Variants in AKT3 observed in about 807,000 individuals in gnomAD.
The protein encoded by AKT3 is AKT serine/threonine kinase 3, also known as RAC-gamma serine/threonine-protein kinase.
AKT3 carries 15 observed loss-of-function variants against 65.3 expected under a neutral mutation model. That is an observed-to-expected ratio of 0.23 (90% CI 0.15 to 0.35). The LOEUF (loss-of-function observed/expected upper bound fraction) is 0.35. Among genes scored for constraint, AKT3 ranks in the 10% least tolerant of loss-of-function variants. AKT3 has a pLI of 1.00. For synonymous variants in AKT3, 206 were observed against 183.8 expected (o/e 1.12, Z -0.98); for missense variants, 243 against 576.5 (o/e 0.42, Z 5.92).
chr1:243,783,117 T>G (rs1691015711), intron 2 of AKT3, among the ~76,000 whole-genome samples: 1 of 152,128 alleles, frequency 6.6e-6, no homozygotes, highest in African/African-American at 2.4e-5. Context: ...ATTTCTGGAG[T>G]GACAAGAGTG....
chr1:243,561,332 C>T (rs1574610250), intron 10 of AKT3, among the ~76,000 whole-genome samples: 2 of 152,124 alleles, frequency 1.3e-5, no homozygotes, highest in South Asian at 4.1e-4. Flanking sequence ...TGGGCATTTA[C>T]AAAGCATTCA....
intron 2 of AKT3, among the ~76,000 whole-genome samples, chr1:243,829,096 G>C (rs543451910): frequency 6.6e-6 from 1 of 151,940 alleles, no homozygotes; most frequent in African/African-American, 2.4e-5. Context: ...TCTTCAATCC[G>C]AATCTCTTGA....
chr1:243,672,831 G>A (rs1235633859), intron 3 of AKT3, among the ~76,000 whole-genome samples: 1 of 152,094 alleles, frequency 6.6e-6, no homozygotes, highest in African/African-American at 2.4e-5. Context: ...TTTGCCCACC[G>A]AATCCTGCCT....
chr1:243,655,985 C>T (rs1681754845), intron 4 of AKT3, among the ~76,000 whole-genome samples: 1 of 151,924 alleles, frequency 6.6e-6, no homozygotes, highest in Non-Finnish European at 1.5e-5. Flanking sequence ...CAAAAACAAA[C>T]AAAAGTCTTT....
At chr1:243,844,900 T>C (rs557457759) in intron 1 of AKT3, among the ~76,000 whole-genome samples, 14 of 152,198 alleles carry the variant, frequency 9.2e-5, no homozygotes, top group African/African-American at 3.4e-4. Flanking sequence ...AACATAAAAT[T>C]AGTAAATCCA....
intron 2 of AKT3, among the ~76,000 whole-genome samples, chr1:243,804,048 C>A (rs993836100): frequency 6.6e-6 from 1 of 152,160 alleles, no homozygotes; most frequent in African/African-American, 2.4e-5. Context: ...AGAAGAAGAC[C>A]CTTGACATCA....
chr1:243,510,976 T>C (rs565893382), intron 13 of AKT3, among the ~76,000 whole-genome samples: 1 of 152,376 alleles, frequency 6.6e-6, no homozygotes, highest in African/African-American at 2.4e-5. Flanking sequence ...GGCCAAGGCC[T>C]ATGCCCATGA....
intron 6 of AKT3, among the ~76,000 whole-genome samples, chr1:243,629,730 T>G (rs1015601817): frequency 1.3e-5 from 2 of 152,160 alleles, no homozygotes; most frequent in South Asian, 4.1e-4. Context: ...AGGCGGGGCT[T>G]GCAGTGAGCC....
chr1:243,701,032 T>C (rs937292547), intron 2 of AKT3, among the ~76,000 whole-genome samples: 4 of 152,208 alleles, frequency 2.6e-5, no homozygotes, highest in Non-Finnish European at 5.9e-5. Flanking sequence ...AATTAGTCCA[T>C]ATATAAACAT....
chr1:243,531,055 T>C (rs1422917274), intron 12 of AKT3, among the ~76,000 whole-genome samples: 3 of 152,222 alleles, frequency 2.0e-5, no homozygotes, highest in East Asian at 3.8e-4. Flanking sequence ...TTCCTACTCA[T>C]TGATGTTCAA....
chr1:243,681,807 T>C (rs2147977339), intron 3 of AKT3, among the ~76,000 whole-genome samples: 1 of 152,276 alleles, frequency 6.6e-6, no homozygotes, highest in East Asian at 1.9e-4. Flanking sequence ...AGGTCTCAGA[T>C]TCATTATCTA....
At chr1:243,650,947 A>G (rs1191710206) in intron 4 of AKT3, among the ~76,000 whole-genome samples, 4 of 152,146 alleles carry the variant, frequency 2.6e-5, no homozygotes, top group Admixed American at 6.6e-5. Context: ...AAAAAAGTCA[A>G]TGGTAGCTTG....
At chr1:243,771,674 C>G (rs1291006427) in intron 2 of AKT3, among the ~76,000 whole-genome samples, 1 of 152,078 alleles carries the variant, frequency 6.6e-6, no homozygotes, top group Non-Finnish European at 1.5e-5. Context: ...TTTCTATATA[C>G]TCTTAGCTAA....
intron 8 of AKT3, among the ~76,000 whole-genome samples, chr1:243,576,205 TC>T (rs1403490853): frequency 9.9e-5 from 15 of 152,122 alleles, no homozygotes; most frequent in Non-Finnish European, 2.1e-4. Context: ...TTAAAAATTC[TC>T]AGTAAACTAG....
At chr1:243,653,036 CA>C (rs988897523) in intron 4 of AKT3, among the ~76,000 whole-genome samples, 119 of 147,176 alleles carry the variant, frequency 8.1e-4, no homozygotes, top group African/African-American at 2.2e-3. Context: ...AAAAACCCTT[CA>C]AAAAAAAAAT....
At chr1:243,750,730 T>C (rs1688761180) in intron 2 of AKT3, among the ~76,000 whole-genome samples, 1 of 151,858 alleles carries the variant, frequency 6.6e-6, no homozygotes, top group African/African-American at 2.4e-5. Context: ...TACAGGTGCC[T>C]GCCATCACAC....
rs1681635979 is a variant in AKT3 at position 243,654,775 on chromosome 1, T to C, written c.285-8738A>G. Among the ~76,000 whole-genome samples the C allele has an allele frequency of 2.0e-5, 3 of 152,208 alleles. No homozygotes were observed. The South Asian group carries it at 6.2e-4, about 31-fold the overall frequency. On this transcript the variant is annotated intron_variant, in intron 4 of 13. Transcript: ENST00000673466. ...GGAACATTATTCAATTATATTTCAT[T>C]ATTATTCCATCCCACATATTGACAT...
At chr1:243,742,391 T>C (rs1688215987) in intron 2 of AKT3, among the ~76,000 whole-genome samples, 1 of 152,210 alleles carries the variant, frequency 6.6e-6, no homozygotes, top group Non-Finnish European at 1.5e-5. Flanking sequence ...TTTGGGAAGC[T>C]GAGGCAGGCG....
At chr1:243,613,580 G>C (rs1203929849) in intron 8 of AKT3, 91 bp downstream of exon 8, 13 of 945,668 alleles carry the variant, frequency 1.4e-5, no homozygotes, top group Non-Finnish European at 2.0e-5. Context: ...AAGAAATGGA[G>C]AACTGCTATA....
Sources: gnomAD v4.1 joint callset for allele counts (sites outside exome capture counted in the v4.1 genomes callset) on GRCh38, gnomAD v4.1.1 for gene constraint, MANE v1.5 for transcripts, NCBI Gene and HGNC (gene_info 2026-07-23, HGNC 2026-07-21) for gene names.